CCDC92B: variants seen among roughly 807,000 people sequenced by gnomAD.
CCDC92B encodes coiled-coil domain-containing 92B.
In CCDC92B, 2 loss-of-function variants were observed where a neutral mutation model predicts 5.6. The observed-to-expected ratio is 0.36, with a 90% CI of 0.15 to 1.12. The LOEUF (loss-of-function observed/expected upper bound fraction) is 1.12. Among genes scored for constraint, CCDC92B ranks in the 50% most tolerant of loss-of-function variants. CCDC92B has a pLI of 0.40. For missense variants in CCDC92B, 271 were observed against 262.2 expected (o/e 1.03, Z -0.23); for synonymous variants, 115 against 122.3 (o/e 0.94, Z 0.39).
chr17:2,727,349 C>A (rs952693444), intron 3 of CCDC92B, among the ~76,000 whole-genome samples: 1 of 152,204 alleles, frequency 6.6e-6, no homozygotes, highest in African/African-American at 2.4e-5. Context: ...GACCTGGGAA[C>A]TGGTGTTGCT....
chr17:2,737,431 C>T (rs918312010), intron 1 of CCDC92B, among the ~76,000 whole-genome samples: 4 of 151,502 alleles, frequency 2.6e-5, no homozygotes, highest in African/African-American at 9.7e-5. Context: ...TCTGGTACTC[C>T]CCTGACCCCC....
chr17:2,724,198 A>G lies in CCDC92B; in HGVS notation c.*213T>C. On this transcript the variant is annotated 3_prime_UTR_variant, in exon 4 of 4. Transcript: ENST00000614400. This position sits in a 1 kb window ranked among gnomAD's most constrained non-coding sequence, Gnocchi z 5.0. ...TGCCCCCGCTCGGCCCCGCGGAGGAACTCTCGCGCGAGGAGAGGGCTCGAA... is the reference window on the plus strand; with the variant it reads ...TGCCCCCGCTCGGCCCCGCGGAGGAGCTCTCGCGCGAGGAGAGGGCTCGAA... 1 of 985,076 alleles carries G rather than the reference A, an allele frequency of 1.0e-6. No individual in the cohort carries two copies. The highest frequency in any genetic ancestry group is 1.2e-6 in the Non-Finnish European group (1 of 829,826). 61.0% of individuals were successfully genotyped at this position (985,076 alleles called of 1,614,324 possible). A position where few individuals can be genotyped will look rare whatever the true frequency, so the allele number is the denominator to read the frequency against.
intron 1 of CCDC92B, among the ~76,000 whole-genome samples, chr17:2,745,915 C>T (rs2070980227): frequency 6.6e-6 from 1 of 152,192 alleles, no homozygotes; most frequent in Admixed American, 6.5e-5. Flanking sequence ...CTGCTTCCCT[C>T]CTTCTTCTGG....
intron 3 of CCDC92B, among the ~76,000 whole-genome samples, chr17:2,729,652 A>C (rs2070773129): frequency 6.6e-6 from 1 of 152,166 alleles, no homozygotes; most frequent in South Asian, 2.1e-4. Flanking sequence ...GTGGGGGAAA[A>C]AATGACAAAA....
chr17:2,735,816 T>C (rs928996780), intron 1 of CCDC92B, among the ~76,000 whole-genome samples: 8 of 152,210 alleles, frequency 5.3e-5, no homozygotes, highest in Non-Finnish European at 8.8e-5. Context: ...ACCTGGGTTC[T>C]AGCCTGCTCC....
chr17:2,747,469 G>C (rs2071000368), intron 1 of CCDC92B, among the ~76,000 whole-genome samples: 1 of 152,206 alleles, frequency 6.6e-6, no homozygotes, highest in Non-Finnish European at 1.5e-5. Context: ...GCTCACGCCT[G>C]TCATCCCAGC....
At chr17:2,738,111 C>G (rs2151742982) in intron 1 of CCDC92B, among the ~76,000 whole-genome samples, 1 of 152,120 alleles carries the variant, frequency 6.6e-6, no homozygotes, top group Admixed American at 6.5e-5. Flanking sequence ...GCAATGGTAG[C>G]TCACTGCAGC....
At chr17:2,728,347 C>T (rs986618112) in intron 3 of CCDC92B, among the ~76,000 whole-genome samples, 1 of 151,318 alleles carries the variant, frequency 6.6e-6, no homozygotes, top group African/African-American at 2.4e-5. Context: ...GTGGCTCATG[C>T]CTGTAATCCC....
chr17:2,739,827 T>A (rs542855333), intron 1 of CCDC92B, among the ~76,000 whole-genome samples: 4 of 152,202 alleles, frequency 2.6e-5, no homozygotes, highest in African/African-American at 9.7e-5. Context: ...GTAGGTTAAT[T>A]CCTGTCTTGA....
rs1243045737 is a variant in CCDC92B, at chr17:2,721,667, T to G, written c.*2744A>C. 6.6e-6 allele frequency: 1 copy of G among 152,234 alleles called. No homozygotes were observed. Among genetic ancestry groups the G allele is most frequent in the African/African-American group, 2.4e-5 (1 of 41,444 alleles). 9.4% of individuals were successfully genotyped at this position (152,234 alleles called of 1,614,324 possible). A position where few individuals can be genotyped will look rare whatever the true frequency, so the allele number is the denominator to read the frequency against. ...CCAGGAGGGCGAGGAGGGGAATTTC[T>G]GTGAAAACTGGAACCCTGTATCTGC... On this transcript the variant is annotated 3_prime_UTR_variant, in exon 4 of 4. Transcript: ENST00000614400.
In CCDC92B at chr17:2,724,977, T is replaced by G; in HGVS notation, c.202A>C (p.Ser68Arg). The part of the protein sequence containing the change: ...QQEAASRELE[S>R]KCRALESQLE... ...TGCGACTCCAGCGCGCGGCACTTGC[T>G]CTCCAGCTCCCGGGACGCCGCCTCT... The change falls in exon 4 of 4, where the codon AGC becomes CGC. Residue 68 changes from serine to arginine, a missense_variant. Ser to Arg is a moderately radical substitution (Grantham distance 110, BLOSUM62 -1). Transcript: ENST00000614400. The surrounding 1 kb of genome is among the most constrained non-coding windows in gnomAD (Gnocchi z 5.0). The G allele has an allele frequency of 7.1e-6, 7 of 985,340 alleles. No homozygotes were observed. The highest frequency in any genetic ancestry group is 8.4e-6 in the Non-Finnish European group (7 of 829,970). 61.0% of individuals were successfully genotyped at this position (985,340 alleles called of 1,614,324 possible). A position where few individuals can be genotyped will look rare whatever the true frequency, so the allele number is the denominator to read the frequency against.
intron 1 of CCDC92B, among the ~76,000 whole-genome samples, chr17:2,744,481 T>A (rs2070963455): frequency 6.6e-6 from 1 of 152,216 alleles, no homozygotes; most frequent in Non-Finnish European, 1.5e-5. Context: ...CATGACCTCC[T>A]GCTTCCAGCC....
chr17:2,734,777 C>A (rs1023783084), intron 2 of CCDC92B, among the ~76,000 whole-genome samples: 2 of 152,012 alleles, frequency 1.3e-5, no homozygotes, highest in Non-Finnish European at 2.9e-5. Flanking sequence ...TGTGAGCCAC[C>A]GCGCCCAGCC....
intron 3 of CCDC92B, among the ~76,000 whole-genome samples, chr17:2,729,835 T>G (rs1451923271): frequency 6.6e-6 from 1 of 152,200 alleles, no homozygotes; most frequent in Non-Finnish European, 1.5e-5. Flanking sequence ...TTTAGAGGAA[T>G]TTCTACAATG....
chr17:2,745,899 T>C (rs1390951925), intron 1 of CCDC92B, among the ~76,000 whole-genome samples: 7 of 152,190 alleles, frequency 4.6e-5, no homozygotes, highest in Admixed American at 4.6e-4. Context: ...AGAGCCTGCA[T>C]TGTTTCTGCT....
chr17:2,735,931 T>C (rs1192792175), intron 1 of CCDC92B, among the ~76,000 whole-genome samples: 1 of 152,150 alleles, frequency 6.6e-6, no homozygotes, highest in Non-Finnish European at 1.5e-5. Flanking sequence ...CCCTAGAGTC[T>C]CTTCCAGTTC....
At chr17:2,746,371 C>A (rs1042222918) in intron 1 of CCDC92B, among the ~76,000 whole-genome samples, 1 of 152,190 alleles carries the variant, frequency 6.6e-6, no homozygotes, top group Non-Finnish European at 1.5e-5. Context: ...ACAAGGTTCA[C>A]AATTTATAGG....
In CCDC92B at chr17:2,723,967, G is replaced by A; in HGVS notation, c.*444C>T. ...CTTGGCGGGAAGGGCGTCGGCGCGG[G>A]GGTGGGGGAGGCGGGGGGTGGGGAG... On this transcript the variant is annotated 3_prime_UTR_variant, in exon 4 of 4. Coordinates refer to ENST00000614400, the MANE Select transcript of CCDC92B (RefSeq NM_001355573.2). 4 of 971,544 alleles carry A rather than the reference G, an allele frequency of 4.1e-6. No homozygotes were observed. Among genetic ancestry groups the A allele is most frequent in the Non-Finnish European group, 4.9e-6 (4 of 817,626 alleles). 60.2% of individuals were successfully genotyped at this position (971,544 alleles called of 1,614,324 possible). A position where few individuals can be genotyped will look rare whatever the true frequency, so the allele number is the denominator to read the frequency against.
chr17:2,733,744 CTTTTTTTT>C (rs386385447), intron 2 of CCDC92B, among the ~76,000 whole-genome samples: 51 of 49,324 alleles, frequency 1.0e-3, no homozygotes, highest in African/African-American at 3.5e-3. Context: ...GGACCACTGG[CTTTTTTTT>C]TTTTTTTTTT....
Sources: gnomAD v4.1 joint callset for allele counts (sites outside exome capture counted in the v4.1 genomes callset) on GRCh38, gnomAD v4.1.1 for gene constraint, Gnocchi (gnomAD v3.1) non-coding constraint, MANE v1.5 for transcripts, NCBI Gene and HGNC (gene_info 2026-07-23, HGNC 2026-07-21) for gene names.